The following PRKCZ variants were observed in gnomAD, a reference collection of about 807,000 sequenced individuals.
The protein encoded by PRKCZ is protein kinase C zeta type.
Under a neutral mutation model 79.5 loss-of-function variants are expected in PRKCZ, and 33 were observed. That is an observed-to-expected ratio of 0.41 (90% CI 0.31 to 0.55). PRKCZ has a LOEUF of 0.55. PRKCZ is among the 20% of genes least tolerant of loss of function. The probability of loss-of-function intolerance (pLI) is 0.19; values close to 1 mark genes in which losing one functional copy is unlikely to be tolerated. For missense variants in PRKCZ, 578 were observed against 813.5 expected, an observed-to-expected ratio of 0.71 and a Z score of 3.52; for synonymous variants, 342 against 320.9, an observed-to-expected ratio of 1.07 and a Z score of -0.70.
chr1:2,140,802 C>G (rs1251660296), intron 5 of PRKCZ, among the ~76,000 whole-genome samples: 2 of 152,012 alleles, frequency 1.3e-5, no homozygotes, highest in African/African-American at 4.8e-5. Flanking sequence ...AACTTTGTCT[C>G]TACTAAAAAT....
At chr1:2,179,095 G>C (rs1281850803) in intron 16 of PRKCZ, among the ~76,000 whole-genome samples, 2 of 152,252 alleles carry the variant, frequency 1.3e-5, no homozygotes, top group Admixed American at 6.5e-5. Context: ...TGTGTGCAGA[G>C]GGCCCCGTCA....
chr1:2,053,418 G>A (rs1350879618), intron 1 of PRKCZ, among the ~76,000 whole-genome samples: 1 of 152,192 alleles, frequency 6.6e-6, no homozygotes, highest in East Asian at 1.9e-4. Context: ...CAACGTTTGT[G>A]TTCAGGGAGC....
At chr1:2,153,562 G>A (rs997996285) in intron 9 of PRKCZ, among the ~76,000 whole-genome samples, 6 of 152,226 alleles carry the variant, frequency 3.9e-5, no homozygotes, top group Admixed American at 6.5e-5. Flanking sequence ...GGGTGGCAGC[G>A]TCCATGCCCT....
At chr1:2,105,930 CCA>C (rs1221744477) in intron 4 of PRKCZ, among the ~76,000 whole-genome samples, 2 of 152,172 alleles carry the variant, frequency 1.3e-5, no homozygotes, top group Non-Finnish European at 1.5e-5. Flanking sequence ...CCCCACCCCC[CCA>C]CACACACATG....
chr1:2,095,338 G>T lies in PRKCZ; in HGVS notation c.334+35747G>T, dbSNP rs141872962. Among the ~76,000 whole-genome samples the T allele has an allele frequency of 8.9e-3, 1,361 of 152,246 alleles. 33 individuals are homozygous for T. The highest frequency in any genetic ancestry group is 0.031 in the African/African-American group (1,283 of 41,510). Reference sequence around the variant, plus strand: ...GTTTTGGAGGTGGCTGGGCAGTGGCGGGCAGAGCCCCATGCTGTCCTCTGC... The same window carrying T: ...GTTTTGGAGGTGGCTGGGCAGTGGCTGGCAGAGCCCCATGCTGTCCTCTGC... On this transcript the variant is annotated intron_variant, in intron 4 of 17. Coordinates refer to ENST00000378567, the MANE Select transcript of PRKCZ (RefSeq NM_002744.6).
intron 4 of PRKCZ, among the ~76,000 whole-genome samples, chr1:2,098,082 C>T (rs1449356853): frequency 8.1e-6 from 1 of 122,946 alleles, no homozygotes; most frequent in Non-Finnish European, 1.8e-5. Flanking sequence ...AAGAACAGAG[C>T]AGGTGACAAG....
At chr1:2,184,417 C>T (rs1007397825) in intron 16 of PRKCZ, 166 bp from the exon 17 acceptor site, 1 of 587,600 alleles carries the variant, frequency 1.7e-6, no homozygotes, top group African/African-American at 1.9e-5. Context: ...TGGATATTTT[C>T]TAGATTTTGT....
intron 9 of PRKCZ, among the ~76,000 whole-genome samples, chr1:2,155,358 G>A (rs367974022): frequency 1.3e-5 from 2 of 151,892 alleles, no homozygotes; most frequent in East Asian, 1.9e-4. Context: ...GGTGATGACG[G>A]TGATGATGGT....
At chr1:2,110,426 C>T (rs142291297) in intron 4 of PRKCZ, among the ~76,000 whole-genome samples, 140 of 152,342 alleles carry the variant, frequency 9.2e-4, no homozygotes, top group Admixed American at 3.8e-3. Flanking sequence ...CTCCTGGTCC[C>T]GTGGCAGCCC....
intron 4 of PRKCZ, among the ~76,000 whole-genome samples, chr1:2,095,412 G>A (rs1425444498): frequency 6.6e-6 from 1 of 152,126 alleles, no homozygotes; most frequent in Non-Finnish European, 1.5e-5. Flanking sequence ...GGTGGAGGAG[G>A]CCACAACCGG....
At chr1:2,098,233 A>G (rs964566219) in intron 4 of PRKCZ, 2 of 152,254 alleles carry the variant, frequency 1.3e-5, no homozygotes, top group Admixed American at 6.5e-5. Flanking sequence ...AAGAACAAAG[A>G]ATGGGGATGT....
intron 6 of PRKCZ, chr1:2,145,268 C>G (rs922706906): frequency 6.6e-6 from 1 of 152,192 alleles, no homozygotes; most frequent in African/African-American, 2.4e-5. Context: ...CAGCTAGAGG[C>G]GGAGGGAGGC....
At chr1:2,079,413 A>G (rs34314914) in intron 4 of PRKCZ, among the ~76,000 whole-genome samples, 17,247 of 152,236 alleles carry the variant, frequency 0.11, 1,066 homozygotes, top group Middle Eastern at 0.16. Flanking sequence ...GCACAGTTTG[A>G]GCTGGGACTC....
At chr1:2,056,627 G>GC in intron 3 of PRKCZ, 54 bp downstream of exon 3, 1 of 1,497,146 alleles carries the variant, frequency 6.7e-7, no homozygotes, top group Admixed American at 1.8e-5. Context: ...CTGGCTGTGG[G>GC]TGTCTGCCGA....
intron 4 of PRKCZ, among the ~76,000 whole-genome samples, chr1:2,122,008 T>C (rs868691028): frequency 1.5e-4 from 5 of 32,324 alleles, no homozygotes; most frequent in Non-Finnish European, 2.4e-4. Flanking sequence ...AGGGTCACGG[T>C]GGTGGTTAGG....
chr1:2,175,442 A>G, intron 16 of PRKCZ, 129 bp downstream of exon 16: 1 of 658,352 alleles, frequency 1.5e-6, no homozygotes, highest in Non-Finnish European at 2.4e-6. Context: ...CCCAATATCC[A>G]TCCCAACCCC....
intron 4 of PRKCZ, among the ~76,000 whole-genome samples, chr1:2,084,882 C>A (rs1664200534): frequency 6.6e-6 from 1 of 152,048 alleles, no homozygotes; most frequent in Admixed American, 6.6e-5. Flanking sequence ...GTGGTGCACA[C>A]CTGTCGTTCC....
At position 2,128,036 on chromosome 1, in the gene PRKCZ, A is replaced by T. The variant is rs1674284125; in HGVS notation, c.335-7226A>T. Among the ~76,000 whole-genome samples, 1 of 152,186 alleles carries T rather than the reference A, an allele frequency of 6.6e-6. No homozygotes were observed. The highest frequency in any genetic ancestry group is 6.5e-5 in the Admixed American group (1 of 15,280). On this transcript the variant is annotated intron_variant, in intron 4 of 17. Transcript: ENST00000378567. The surrounding 1 kb of genome is among the most constrained non-coding windows in gnomAD (Gnocchi z 6.5). The stretch of plus-strand genomic sequence containing the variant: ...CCCAGGCTCCTGGAGCTCAGAATCT[A>T]GTGGAAATCGCTGCCCAGGGAAGAA...
Position 2,099,048 on chromosome 1 carries a change from G to A in PRKCZ, c.335-36214G>A, listed in dbSNP as rs116633412. ...CGTTGTCTGTGCTGTGACTTCCGTC[G>A]TTGTCTGTGCTGTGACTTCCGTTGT... On this transcript the variant is annotated intron_variant, in intron 4 of 17. Transcript: ENST00000378567. Among the ~76,000 whole-genome samples the A allele has an allele frequency of 2.3e-3, 355 of 151,980 alleles. 2 individuals carry two copies. The highest frequency in any genetic ancestry group is 4.2e-3 in the Non-Finnish European group (282 of 67,836).
Sources: allele counts gnomAD v4.1 joint callset (sites outside exome capture counted in the v4.1 genomes callset), GRCh38; gene constraint gnomAD v4.1.1; non-coding constraint Gnocchi (gnomAD v3.1); transcripts MANE v1.5; gene names NCBI Gene and HGNC (gene_info 2026-07-23, HGNC 2026-07-21).